The following LINGO1 variants were observed in gnomAD, a reference collection of about 807,000 sequenced individuals.
The protein encoded by LINGO1 is leucine-rich repeat and immunoglobulin-like domain-containing nogo receptor-interacting protein 1.
In LINGO1, 11 loss-of-function variants were observed where a neutral mutation model predicts 37.3. The observed-to-expected ratio is 0.29, with a 90% confidence interval of 0.19 to 0.49. LINGO1 has a LOEUF of 0.49. LINGO1 is among the 20% of genes least tolerant of loss of function. The pLI is 0.99. For missense variants in LINGO1, 585 were observed against 878.2 expected (o/e 0.67, Z 4.22); for synonymous variants, 387 against 403.0 (o/e 0.96, Z 0.48).
At chr15:77,687,171 G>T (rs2075525553) in intron 2 of LINGO1, among the ~76,000 whole-genome samples, 1 of 152,082 alleles carries the variant, frequency 6.6e-6, no homozygotes, top group Non-Finnish European at 1.5e-5. Context: ...TCTGTGCGTG[G>T]CTGGGGTCAG....
At chr15:77,696,786 T>G (rs2075701233), upstream of LINGO1, among the ~76,000 whole-genome samples, 2 of 152,314 alleles carry the variant, frequency 1.3e-5, no homozygotes, top group African/African-American at 4.8e-5. Flanking sequence ...CCGACCCCTC[T>G]TCATCTTCCC....
chr15:77,730,515 G>A (rs1485622547), intron 2 of LINGO1, among the ~76,000 whole-genome samples: 2 of 146,786 alleles, frequency 1.4e-5, no homozygotes, highest in African/African-American at 4.9e-5. Context: ...ATGGTCCAGC[G>A]CCTGCCCCGT....
At chr15:77,674,562 T>G (rs1347200411) in intron 3 of LINGO1, among the ~76,000 whole-genome samples, 2 of 152,118 alleles carry the variant, frequency 1.3e-5, no homozygotes, top group Non-Finnish European at 2.9e-5. Flanking sequence ...CAACCAGCCT[T>G]CTTGCCATGT....
intron 1 of LINGO1, among the ~76,000 whole-genome samples, chr15:77,776,548 G>GGCAGGAAGGCAGGAAAGCA (rs2076655652): frequency 6.7e-6 from 1 of 150,372 alleles, no homozygotes; most frequent in African/African-American, 2.5e-5. Flanking sequence ...GAGGGAGGGA[G>GGCAGGAAGGCAGGAAAGCA]GGAGGGAGGG....
In LINGO1 at chr15:77,767,624, AG is replaced by A. The variant is rs766556822; in HGVS notation, c.-257+19244del. Among the ~76,000 whole-genome samples, 21 of 152,332 alleles carry A rather than the reference AG, an allele frequency of 1.4e-4. No individual in the cohort carries two copies. In the Middle Eastern group the frequency reaches 0.01, roughly 74 times the overall value. ...CCAAATCAGAGCAGCACAGAGGCTC[AG>A]GGAGAGAATTTCTTCAAGAAGGTAA... On this transcript the variant is annotated intron_variant, in intron 1 of 3. Transcript: ENST00000561686.
intron 1 of LINGO1, among the ~76,000 whole-genome samples, chr15:77,745,325 C>G (rs958212383): frequency 2.0e-5 from 3 of 151,370 alleles, no homozygotes; most frequent in South Asian, 2.1e-4. Flanking sequence ...ACTTGGAAGG[C>G]TGAGGCAGGA....
intron 2 of LINGO1, among the ~76,000 whole-genome samples, chr15:77,710,033 G>A (rs763664845): frequency 1.3e-5 from 2 of 152,234 alleles, no homozygotes; most frequent in Non-Finnish European, 2.9e-5. Flanking sequence ...AGTTGGAGCA[G>A]AGAAGAGGAG....
intron 3 of LINGO1, among the ~76,000 whole-genome samples, chr15:77,642,367 G>GGA (rs755403926): frequency 2.0e-5 from 3 of 152,226 alleles, no homozygotes; most frequent in Admixed American, 6.5e-5. Context: ...CTGCCAACAG[G>GGA]GAGAGGCCCC....
intron 2 of LINGO1, among the ~76,000 whole-genome samples, chr15:77,734,793 G>A (rs890856624): frequency 6.6e-6 from 1 of 152,068 alleles, no homozygotes; most frequent in African/African-American, 2.4e-5. Context: ...TTTCCTAAAA[G>A]CTGATCCCCA....
chr15:77,715,252 G>A (rs567635780), intron 2 of LINGO1, among the ~76,000 whole-genome samples: 2 of 152,328 alleles, frequency 1.3e-5, no homozygotes, highest in East Asian at 1.9e-4. Context: ...CCCTATCAGC[G>A]TGGGCCCAGC....
At chr15:77,640,593 G>T (rs1272577821) in intron 3 of LINGO1, among the ~76,000 whole-genome samples, 1 of 152,146 alleles carries the variant, frequency 6.6e-6, no homozygotes, top group East Asian at 1.9e-4. Flanking sequence ...AGCTGAGATT[G>T]TCAGGATGTA....
At chr15:77,739,771 A>G (rs2141346398) in intron 1 of LINGO1, among the ~76,000 whole-genome samples, 1 of 152,354 alleles carries the variant, frequency 6.6e-6, no homozygotes, top group Non-Finnish European at 1.5e-5. Context: ...TGTTCCTACA[A>G]GTGGTTCTTT....
chr15:77,634,760 GC>G (rs904766319), upstream of LINGO1, among the ~76,000 whole-genome samples: 1 of 134,130 alleles, frequency 7.5e-6, no homozygotes, highest in Non-Finnish European at 1.6e-5. Context: ...AGACTCCCCA[GC>G]CCCCCCACCC....
At chr15:77,794,690 C>G (rs1198809233) in intron 2 of LINGO1, among the ~76,000 whole-genome samples, 1 of 150,682 alleles carries the variant, frequency 6.6e-6, no homozygotes, top group East Asian at 2.0e-4. Context: ...CGGGTTCACG[C>G]CATTCTCCTG....
chr15:77,716,457 C>A (rs1485088714), intron 2 of LINGO1, among the ~76,000 whole-genome samples: 1 of 149,340 alleles, frequency 6.7e-6, no homozygotes, highest in South Asian at 2.2e-4. Context: ...GGCCCTCTCA[C>A]TAGTCCTGCA....
At chr15:77,713,778 G>A (rs964211310) in intron 2 of LINGO1, among the ~76,000 whole-genome samples, 11 of 152,122 alleles carry the variant, frequency 7.2e-5, no homozygotes, top group Non-Finnish European at 1.6e-4. Context: ...AGCTGACTGA[G>A]TTTGCCCTTC....
intron 3 of LINGO1, among the ~76,000 whole-genome samples, chr15:77,669,456 G>T (rs773354876): frequency 2.6e-4 from 39 of 152,190 alleles, no homozygotes; most frequent in Non-Finnish European, 4.9e-4. Flanking sequence ...TGAGTGAATG[G>T]CAGGGAAAAC....
At chr15:77,709,873 T>G (rs1846046498) in intron 2 of LINGO1, among the ~76,000 whole-genome samples, 1 of 152,134 alleles carries the variant, frequency 6.6e-6, no homozygotes, top group African/African-American at 2.4e-5. Flanking sequence ...AGCCAACATA[T>G]CAGGGACTGA....
At chr15:77,731,906 A>T (rs527669120) in intron 2 of LINGO1, among the ~76,000 whole-genome samples, 1 of 152,102 alleles carries the variant, frequency 6.6e-6, no homozygotes, top group Non-Finnish European at 1.5e-5. Flanking sequence ...AAGAAGCTGG[A>T]GCCGCCTCCC....
Sources: allele counts gnomAD v4.1 joint callset (sites outside exome capture counted in the v4.1 genomes callset), GRCh38; gene constraint gnomAD v4.1.1; transcripts MANE v1.5; gene names NCBI Gene and HGNC (gene_info 2026-07-23, HGNC 2026-07-21).